The following AKAP13 variants were observed in gnomAD, a reference collection of about 807,000 sequenced individuals.
AKAP13 encodes the protein A-kinase anchoring protein 13, also known as A-kinase anchor protein 13.
Under a neutral mutation model 264.5 loss-of-function variants are expected in AKAP13, and 80 were observed. That is an observed-to-expected ratio of 0.30 (90% CI 0.25 to 0.36). The LOEUF (loss-of-function observed/expected upper bound fraction) is 0.36. Among genes scored for constraint, AKAP13 ranks in the 10% least tolerant of loss-of-function variants. The pLI, the probability that AKAP13 is intolerant of heterozygous loss-of-function variation, is 1.00. For missense variants in AKAP13, 3,712 were observed against 3,435.2 expected (o/e 1.08, Z -2.01); for synonymous variants, 1,380 against 1,250.2 (o/e 1.10, Z -2.19).
chr15:85,661,639 T>A (rs1241662797), intron 12 of AKAP13, among the ~76,000 whole-genome samples: 1 of 152,160 alleles, frequency 6.6e-6, no homozygotes, highest in Non-Finnish European at 1.5e-5. Flanking sequence ...GAGAATCGCT[T>A]GAACCTGGGA....
intron 9 of AKAP13, among the ~76,000 whole-genome samples, chr15:85,643,266 A>G (rs1463057568): frequency 6.6e-6 from 1 of 151,558 alleles, no homozygotes; most frequent in Non-Finnish European, 1.5e-5. Context: ...ACAAGACAGT[A>G]AACTGCTTCC....
chr15:85,598,372 A>G (rs1175805035), intron 8 of AKAP13, among the ~76,000 whole-genome samples: 1 of 152,106 alleles, frequency 6.6e-6, no homozygotes, highest in South Asian at 2.1e-4. Flanking sequence ...AGGCTCAGGA[A>G]TTTTTTCTCT....
intron 8 of AKAP13, among the ~76,000 whole-genome samples, chr15:85,599,642 C>T (rs774983938): frequency 6.6e-5 from 10 of 152,124 alleles, no homozygotes; most frequent in Non-Finnish European, 1.3e-4. Context: ...TTGTTTTATT[C>T]CTAATGGGAA....
intron 35 of AKAP13, among the ~76,000 whole-genome samples, chr15:85,743,085 C>G (rs1366946947): frequency 2.0e-5 from 3 of 152,052 alleles, no homozygotes; most frequent in Non-Finnish European, 2.9e-5. Flanking sequence ...ATCCTCTAAC[C>G]GGAACAGGCT....
intron 1 of AKAP13, chr15:85,382,290 A>C (rs2070321665): frequency 6.6e-6 from 1 of 152,236 alleles, no homozygotes; most frequent in Admixed American, 6.5e-5. Flanking sequence ...TCTCGTGCTA[A>C]GTGAGTCCTG....
chr15:85,640,640 CA>C (rs1195666739), intron 9 of AKAP13, among the ~76,000 whole-genome samples: 2 of 152,174 alleles, frequency 1.3e-5, no homozygotes, highest in African/African-American at 4.8e-5. Context: ...ATTTAGCTGA[CA>C]CTTCCCCCAT....
At chr15:85,554,757 T>G (rs1596511590) in intron 5 of AKAP13, among the ~76,000 whole-genome samples, 2 of 152,150 alleles carry the variant, frequency 1.3e-5, no homozygotes, top group Admixed American at 6.5e-5. Context: ...GATTTAGTAT[T>G]TTCACTTTAC....
chr15:85,508,363 G>C (rs1329203002), intron 2 of AKAP13, among the ~76,000 whole-genome samples: 1 of 151,994 alleles, frequency 6.6e-6, no homozygotes, highest in Non-Finnish European at 1.5e-5. Flanking sequence ...GGCTGGTCTT[G>C]AACTCCTGGG....
intron 8 of AKAP13, among the ~76,000 whole-genome samples, chr15:85,611,462 C>A (rs2080619839): frequency 6.6e-6 from 1 of 152,180 alleles, no homozygotes; most frequent in African/African-American, 2.4e-5. Context: ...ACTTCTGCTC[C>A]CACCCCAATG....
At chr15:85,693,513 C>T in intron 17 of AKAP13, 62 bp downstream of exon 17, 3 of 1,583,824 alleles carry the variant, frequency 1.9e-6, no homozygotes, top group Non-Finnish European at 2.6e-6. Flanking sequence ...AAGCTCATTT[C>T]TTGTTTCCTG....
intron 30 of AKAP13, among the ~76,000 whole-genome samples, chr15:85,733,802 A>G: frequency 7.6e-6 from 1 of 131,794 alleles, no homozygotes; most frequent in Non-Finnish European, 1.7e-5. Flanking sequence ...TTGCTATTTC[A>G]TTTCTGTGTT....
At chr15:85,415,224 C>T in intron 1 of AKAP13, 1 of 1,548,962 alleles carries the variant, frequency 6.5e-7, no homozygotes, top group East Asian at 2.3e-5. Context: ...GCCCGCACCC[C>T]TCATGGCCAC....
chr15:85,627,559 A>T (rs553421772), intron 8 of AKAP13: 4 of 152,086 alleles, frequency 2.6e-5, no homozygotes, highest in Non-Finnish European at 5.9e-5. Context: ...TGATCTTTTT[A>T]CTACCTTTCT....
intron 1 of AKAP13, among the ~76,000 whole-genome samples, chr15:85,397,465 G>A (rs886479799): frequency 3.3e-5 from 5 of 152,074 alleles, no homozygotes; most frequent in Non-Finnish European, 7.4e-5. Context: ...GAGATACCTC[G>A]GGACTCAAAT....
chr15:85,409,899 G>A (rs2071876844), intron 1 of AKAP13, among the ~76,000 whole-genome samples: 3 of 151,546 alleles, frequency 2.0e-5, no homozygotes, highest in Admixed American at 1.3e-4. Context: ...CCAAAGTGCT[G>A]GGATTACAGG....
At chr15:85,519,582 A>C (rs962001689) in intron 2 of AKAP13, among the ~76,000 whole-genome samples, 1 of 152,242 alleles carries the variant, frequency 6.6e-6, no homozygotes, top group Non-Finnish European at 1.5e-5. Flanking sequence ...TACCAGGCTA[A>C]GCTTTTCAAA....
chr15:85,421,371 C>G (rs2150900106), intron 1 of AKAP13, among the ~76,000 whole-genome samples: 1 of 152,338 alleles, frequency 6.6e-6, no homozygotes, highest in African/African-American at 2.4e-5. Context: ...AATTCTCCCT[C>G]TCTGGTTATT....
intron 1 of AKAP13, among the ~76,000 whole-genome samples, chr15:85,423,170 G>C (rs2072602698): frequency 6.6e-6 from 1 of 152,232 alleles, no homozygotes; most frequent in Admixed American, 6.5e-5. Context: ...GGTTGCTGAG[G>C]ATTGGAGCAG....
chr15:85,576,524 G>C (rs2079020394), intron 6 of AKAP13, among the ~76,000 whole-genome samples: 2 of 137,558 alleles, frequency 1.5e-5, no homozygotes, highest in South Asian at 4.1e-4. Context: ...ATCTCTCTTG[G>C]GCATAACATC....
Sources: allele counts gnomAD v4.1 joint callset (sites outside exome capture counted in the v4.1 genomes callset), GRCh38; gene constraint gnomAD v4.1.1; transcripts MANE v1.5; gene names NCBI Gene and HGNC (gene_info 2026-07-23, HGNC 2026-07-21).